Variants in CFAP210 observed in about 807,000 individuals in gnomAD.
The protein encoded by CFAP210 is cilia and flagella associated protein 210, also known as cilia- and flagella- associated protein 210.
the CFAP210 span, among the ~76,000 whole-genome samples, chr2:169,674,174 T>C: frequency 1.3e-5 from 2 of 152,244 alleles, no homozygotes; most frequent in South Asian, 4.1e-4. Context: ...GTGAAAAGTT[T>C]CCCCATGTGG....
chr2:169,674,718 A>AT, the CFAP210 span: 1 of 1,606,236 alleles, frequency 6.2e-7, no homozygotes. Flanking sequence ...CTCTTTCGGA[A>AT]TTCAATCTGG....
At chr2:169,681,365 G>C in the CFAP210 span, 2 of 748,786 alleles carry the variant, frequency 2.7e-6, no homozygotes, top group Non-Finnish European at 4.6e-6. Context: ...GTTATCCTAA[G>C]AACAGCTATG....
chr2:169,690,883 T>C, the CFAP210 span, among the ~76,000 whole-genome samples: 13 of 152,192 alleles, frequency 8.5e-5, no homozygotes, highest in Non-Finnish European at 1.9e-4. Context: ...TTGATCTCTT[T>C]GAGTTGAGTT....
chr2:169,646,068 C>T, the CFAP210 span: 1 of 1,613,878 alleles, frequency 6.2e-7, no homozygotes, highest in Non-Finnish European at 8.5e-7. Flanking sequence ...AGTTCAATTA[C>T]CTCTCTGGCA....
chr2:169,673,108 T>C, the CFAP210 span, among the ~76,000 whole-genome samples: 39 of 152,154 alleles, frequency 2.6e-4, no homozygotes, highest in Admixed American at 2.5e-3. Flanking sequence ...ACGTCAGAGC[T>C]TGATGAACAT....
At chr2:169,692,178 T>C in the CFAP210 span, among the ~76,000 whole-genome samples, 3 of 152,212 alleles carry the variant, frequency 2.0e-5, no homozygotes, top group Non-Finnish European at 4.4e-5. Flanking sequence ...TATGGACATA[T>C]CACTTCCCAA....
chr2:169,657,609 C>T, the CFAP210 span, among the ~76,000 whole-genome samples: 3 of 151,856 alleles, frequency 2.0e-5, no homozygotes, highest in South Asian at 4.2e-4. Flanking sequence ...CCCAGCTACT[C>T]GGGAGGCTGA....
At chr2:169,672,271 A>T in the CFAP210 span, among the ~76,000 whole-genome samples, 5,208 of 152,316 alleles carry the variant, frequency 0.034, 291 homozygotes, top group African/African-American at 0.12. Flanking sequence ...AAGCTGTAGG[A>T]CTTTGGAAAC....
At chr2:169,648,882 G>A in the CFAP210 span, among the ~76,000 whole-genome samples, 2 of 152,070 alleles carry the variant, frequency 1.3e-5, no homozygotes, top group African/African-American at 4.8e-5. Context: ...CTGAGATATG[G>A]GAAAAAAGTA....
chr2:169,661,880 T>C, the CFAP210 span, among the ~76,000 whole-genome samples: 61,930 of 151,898 alleles, frequency 0.41, 12,916 homozygotes, highest in Non-Finnish European at 0.44. Flanking sequence ...TCATTATGTG[T>C]GAGCTAAAAA....
chr2:169,669,729 C>T, the CFAP210 span, among the ~76,000 whole-genome samples: 5 of 149,236 alleles, frequency 3.4e-5, no homozygotes, highest in African/African-American at 9.9e-5. Flanking sequence ...GAGACAAGAT[C>T]GCACCACTGC....
At chr2:169,671,202 A>G in the CFAP210 span, among the ~76,000 whole-genome samples, 1 of 152,140 alleles carries the variant, frequency 6.6e-6, no homozygotes, top group Non-Finnish European at 1.5e-5. Flanking sequence ...CATCTTGACT[A>G]CTTGGAGTTC....
At chr2:169,679,401 TG>T in the CFAP210 span, among the ~76,000 whole-genome samples, 1 of 152,054 alleles carries the variant, frequency 6.6e-6, no homozygotes, top group Non-Finnish European at 1.5e-5. Context: ...CAGTGTCGGC[TG>T]GGCGCAGTGG....
the CFAP210 span, among the ~76,000 whole-genome samples, chr2:169,685,454 GCTGT>G: frequency 2.0e-5 from 3 of 152,096 alleles, no homozygotes; most frequent in African/African-American, 2.4e-5. Context: ...TTAAAAATGG[GCTGT>G]CTTTTTATTG....
At chr2:169,674,884 T>G in the CFAP210 span, 2 of 1,518,474 alleles carry the variant, frequency 1.3e-6, no homozygotes, top group South Asian at 2.6e-5. Flanking sequence ...TTTTTCACTC[T>G]TTCTGTCTGG....
the CFAP210 span, chr2:169,650,257 T>A: frequency 7.4e-7 from 1 of 1,356,888 alleles, no homozygotes; most frequent in East Asian, 2.7e-5. Context: ...GAGAGGCAGA[T>A]GAGATGGAAA....
chr2:169,660,921 C>T, the CFAP210 span: 1 of 441,264 alleles, frequency 2.3e-6, no homozygotes, highest in Non-Finnish European at 4.4e-6. Flanking sequence ...CATTATTAAT[C>T]CTTATACAAC....
chr2:169,650,407 T>G, the CFAP210 span: 1 of 1,606,704 alleles, frequency 6.2e-7, no homozygotes, highest in Non-Finnish European at 8.5e-7. Flanking sequence ...TTTTTTCCCA[T>G]TCAGCCTCAG....
the CFAP210 span, chr2:169,649,366 G>A: frequency 6.2e-7 from 1 of 1,600,016 alleles, no homozygotes; most frequent in Non-Finnish European, 8.5e-7. Flanking sequence ...TAAAGGCAAA[G>A]GAAACATATA....
Sources: allele counts gnomAD v4.1 joint callset (sites outside exome capture counted in the v4.1 genomes callset), GRCh38; gene constraint gnomAD v4.1.1; transcripts MANE v1.5; gene names NCBI Gene and HGNC (gene_info 2026-07-23, HGNC 2026-07-21).